The following ALDH8A1 variants were observed in gnomAD, a reference collection of about 807,000 sequenced individuals.
The protein encoded by ALDH8A1 is 2-aminomuconic semialdehyde dehydrogenase.
A neutral mutation model predicts 43.3 loss-of-function variants in ALDH8A1; 39 were observed. The ratio of observed to expected loss-of-function variants is 0.90; its 90% confidence interval spans 0.70 to 1.18. The LOEUF (loss-of-function observed/expected upper bound fraction) is 1.18. ALDH8A1 is among the 50% of genes most tolerant of loss of function. The pLI, the probability that ALDH8A1 is intolerant of heterozygous loss-of-function variation, is 0.00. For synonymous variants in ALDH8A1, 233 were observed against 243.5 expected, an observed-to-expected ratio of 0.96 and a Z score of 0.40; for missense variants, 605 against 622.6, an observed-to-expected ratio of 0.97 and a Z score of 0.30.
At chr6:134,949,744 G>A (rs1217643355) in intron 1 of ALDH8A1, among the ~76,000 whole-genome samples, 172 bp downstream of exon 1, 1 of 152,038 alleles carries the variant, frequency 6.6e-6, no homozygotes, top group African/African-American at 2.4e-5. Flanking sequence ...ATTTGTTCTA[G>A]GTATCATACA....
At chr6:134,931,886 G>T (rs1776991824) in intron 5 of ALDH8A1, among the ~76,000 whole-genome samples, 1 of 152,184 alleles carries the variant, frequency 6.6e-6, no homozygotes, top group African/African-American at 2.4e-5. Flanking sequence ...TTGTTCACAT[G>T]ATTTTATTAG....
At chr6:134,940,976 T>G (rs1036672954) in intron 3 of ALDH8A1, among the ~76,000 whole-genome samples, 2 of 152,242 alleles carry the variant, frequency 1.3e-5, no homozygotes, top group Non-Finnish European at 2.9e-5. Flanking sequence ...TTAGCTTATA[T>G]TCATAAAATG....
intron 1 of ALDH8A1, among the ~76,000 whole-genome samples, chr6:134,946,029 C>A (rs1773943775): frequency 6.6e-6 from 1 of 152,204 alleles, no homozygotes; most frequent in African/African-American, 2.4e-5. Flanking sequence ...TCCTCTTCAG[C>A]CATGATTGTA....
chr6:134,930,147 G>T (rs750984775), intron 5 of ALDH8A1, among the ~76,000 whole-genome samples: 2 of 152,216 alleles, frequency 1.3e-5, no homozygotes, highest in Non-Finnish European at 2.9e-5. Context: ...AACAGGACCT[G>T]TCGATGGAAA....
intron 5 of ALDH8A1, 46 bp downstream of exon 5, chr6:134,932,730 T>C (rs1777005085): frequency 6.3e-7 from 1 of 1,596,138 alleles, no homozygotes; most frequent in Non-Finnish European, 8.5e-7. Context: ...CAGATCCAGC[T>C]TGACAGGGCC....
At chr6:134,943,257 A>G (rs576360949) in intron 2 of ALDH8A1, among the ~76,000 whole-genome samples, 1 of 152,344 alleles carries the variant, frequency 6.6e-6, no homozygotes, top group African/African-American at 2.4e-5. Context: ...TATGGCACAC[A>G]TGTAATTTTT....
At chr6:134,922,145 C>A (rs1004045877) in intron 6 of ALDH8A1, among the ~76,000 whole-genome samples, 1 of 152,138 alleles carries the variant, frequency 6.6e-6, no homozygotes, top group African/African-American at 2.4e-5. Flanking sequence ...TGTTTCCCAG[C>A]AGAAGGTAGA....
intron 4 of ALDH8A1, among the ~76,000 whole-genome samples, chr6:134,934,579 G>A (rs1209651863): frequency 6.6e-6 from 1 of 152,044 alleles, no homozygotes; most frequent in East Asian, 1.9e-4. Flanking sequence ...CTCAACCCTC[G>A]GAACATGCTA....
At position 134,942,391 on chromosome 6, in the gene ALDH8A1, T is replaced by C. The variant is rs759276112; in HGVS notation, c.442+18A>G. ...GCAAGCATAACCGGGAGGTGGGCTC[T>C]CACTGAACAGCACTCACCGACTCCC... On this transcript the variant is annotated intron_variant, in intron 3 of 6. Transcript: ENST00000265605. The C allele has an allele frequency of 6.3e-7, 1 of 1,581,022 alleles. No individual in the cohort carries two copies. Among genetic ancestry groups the C allele is most frequent in the Non-Finnish European group, 8.6e-7 (1 of 1,158,358 alleles).
At chr6:134,927,474 ATTTCTCTCTCCC>A (rs1391986323) in intron 6 of ALDH8A1, among the ~76,000 whole-genome samples, 10 of 151,954 alleles carry the variant, frequency 6.6e-5, no homozygotes, top group Admixed American at 6.6e-4. Context: ...TGTGGCATCA[ATTTCTCTCTCCC>A]TTTCTCTCTC....
At position 134,949,950 on chromosome 6, in the gene ALDH8A1, A is replaced by G; in HGVS notation, c.104T>C (p.Val35Ala). Residue 35 changes from valine (V) to alanine (A), a missense_variant, in exon 1 of 7, where the codon GTG becomes GCG. Transcript: ENST00000265605. ...TCCACTATTTGGCACTCTGCAATAC[A>G]CTTCCCCTGTTGATGGGTCGTAAGA... is the stretch of plus-strand genomic sequence containing the variant. ...IDSYDPSTGEVYCRVPNSGKD... is the reference protein window; with the variant it reads ...IDSYDPSTGEAYCRVPNSGKD... 1.2e-6 allele frequency: 2 copies of G among 1,612,056 alleles called. No individual in the cohort carries two copies. Among genetic ancestry groups the G allele is most frequent in the East Asian group, 2.2e-5 (1 of 44,856 alleles).
intron 1 of ALDH8A1, 52 bp from the exon 2 acceptor site, chr6:134,944,018 G>C (rs1270203856): frequency 9.6e-6 from 15 of 1,562,530 alleles, no homozygotes; most frequent in Non-Finnish European, 1.3e-5. Context: ...TAGTCCTTGG[G>C]GGATGGACAA....
chr6:134,940,410 G>C (rs1773833978), intron 3 of ALDH8A1, among the ~76,000 whole-genome samples: 1 of 151,996 alleles, frequency 6.6e-6, no homozygotes, highest in Non-Finnish European at 1.5e-5. Flanking sequence ...ATCTGTCATG[G>C]GTTGAGACAT....
chr6:134,949,113 T>C (rs970300236), intron 1 of ALDH8A1, among the ~76,000 whole-genome samples: 3 of 152,204 alleles, frequency 2.0e-5, no homozygotes, highest in African/African-American at 4.8e-5. Flanking sequence ...AGGAAGACTA[T>C]ATTTTAAATA....
chr6:134,946,893 T>C (rs1468035841), intron 1 of ALDH8A1, among the ~76,000 whole-genome samples: 3 of 152,164 alleles, frequency 2.0e-5, no homozygotes, highest in Non-Finnish European at 4.4e-5. Flanking sequence ...AGGATCATAA[T>C]AGAGACTTCT....
intron 1 of ALDH8A1, among the ~76,000 whole-genome samples, chr6:134,947,850 A>T (rs1310107465): frequency 1.8e-5 from 2 of 108,850 alleles, no homozygotes; most frequent in African/African-American, 4.7e-5. Flanking sequence ...TTCTCAAAAA[A>T]AAAAAAATAA....
intron 5 of ALDH8A1, among the ~76,000 whole-genome samples, chr6:134,930,183 G>A (rs143769851): frequency 1.9e-4 from 29 of 152,316 alleles, no homozygotes; most frequent in African/African-American, 6.3e-4. Flanking sequence ...AGAGTAGGCC[G>A]CAGAGTGGAT....
At chr6:134,937,934 T>G (rs1467871453) in intron 4 of ALDH8A1, among the ~76,000 whole-genome samples, 4 of 152,136 alleles carry the variant, frequency 2.6e-5, no homozygotes, top group Admixed American at 2.6e-4. Flanking sequence ...CTCATTCCTC[T>G]GGAGGACCCT....
chr6:134,928,993 T>C, intron 6 of ALDH8A1, 61 bp downstream of exon 6: 3 of 1,573,780 alleles, frequency 1.9e-6, no homozygotes, highest in Non-Finnish European at 2.6e-6. Flanking sequence ...GCTATGCCTG[T>C]ACTGAGCTTC....
Sources: allele counts gnomAD v4.1 joint callset (sites outside exome capture counted in the v4.1 genomes callset), GRCh38; gene constraint gnomAD v4.1.1; transcripts MANE v1.5; gene names NCBI Gene and HGNC (gene_info 2026-07-23, HGNC 2026-07-21).